Variants in TXNDC5 observed in about 807,000 individuals in gnomAD.
The protein encoded by TXNDC5 is thioredoxin domain containing 5, also known as thioredoxin domain-containing protein 5.
A neutral mutation model predicts 52.6 loss-of-function variants in TXNDC5; 44 were observed. That is an observed-to-expected ratio of 0.84 (90% CI 0.66 to 1.08). TXNDC5 has a LOEUF of 1.08. Among genes scored for constraint, TXNDC5 ranks in the 50% least tolerant of loss-of-function variants. The probability of loss-of-function intolerance (pLI) is 0.00; values close to 1 mark genes in which losing one functional copy is unlikely to be tolerated. For missense variants in TXNDC5, 600 were observed against 565.5 expected, an observed-to-expected ratio of 1.06 and a Z score of -0.62; for synonymous variants, 241 against 234.4, an observed-to-expected ratio of 1.03 and a Z score of -0.26.
At chr6:7,902,598 C>G (rs2113362136) in intron 2 of TXNDC5, among the ~76,000 whole-genome samples, 1 of 152,042 alleles carries the variant, frequency 6.6e-6, no homozygotes, top group Admixed American at 6.6e-5. Flanking sequence ...AGTCAATCTA[C>G]AGATGCCCCA....
chr6:7,890,681 G>A (rs761981105), intron 5 of TXNDC5, among the ~76,000 whole-genome samples: 18 of 152,092 alleles, frequency 1.2e-4, no homozygotes, highest in Non-Finnish European at 2.2e-4. Context: ...TATCGTAAGC[G>A]TTTAAGAGGC....
chr6:7,896,076 C>T (rs1036730990), intron 3 of TXNDC5, among the ~76,000 whole-genome samples: 2 of 152,046 alleles, frequency 1.3e-5, no homozygotes, highest in African/African-American at 4.8e-5. Context: ...GCCTGGTTAT[C>T]CTTACTTTAC....
At position 7,884,354 on chromosome 6, in the gene TXNDC5, C is replaced by G; in HGVS notation, c.1176+5G>C. Reference sequence around the variant, plus strand: ...GCTCCCATAAGCATCCATCCAAGTACCCACCGAATACTTGCTGCAGATATT... The same window carrying G: ...GCTCCCATAAGCATCCATCCAAGTAGCCACCGAATACTTGCTGCAGATATT... On this transcript the variant is annotated splice_donor_5th_base_variant and intron_variant, in intron 9 of 9. Transcript: ENST00000379757. 1 of 1,613,984 alleles carries G rather than the reference C, an allele frequency of 6.2e-7. No homozygotes were observed. Among genetic ancestry groups the G allele is most frequent in the Non-Finnish European group, 8.5e-7 (1 of 1,179,926 alleles).
intron 1 of TXNDC5, among the ~76,000 whole-genome samples, chr6:7,905,648 G>C (rs1315584080): frequency 6.6e-6 from 1 of 152,154 alleles, no homozygotes; most frequent in Non-Finnish European, 1.5e-5. Context: ...TGTGTTCTCT[G>C]GACAGTATGT....
chr6:7,907,307 A>T (rs1760769917), intron 1 of TXNDC5, among the ~76,000 whole-genome samples: 1 of 152,136 alleles, frequency 6.6e-6, no homozygotes, highest in African/African-American at 2.4e-5. Flanking sequence ...TGATGGGGCC[A>T]CAGGTGCTAT....
At position 7,888,739 on chromosome 6, in the gene TXNDC5, G is replaced by GC; in HGVS notation, c.928dup (p.Ala310GlyfsTer7). On this transcript the variant is annotated frameshift_variant, in exon 7 of 10. Coordinates refer to ENST00000379757, the MANE Select transcript of TXNDC5 (RefSeq NM_030810.5). LOFTEE classifies it high-confidence loss of function. ...CTCGGGCTCAGCTGCCAGCACCGGG[G>GC]CCTCTGAGGGCGTGACGGTCTCCGT... 1 of 1,613,602 alleles carries GC rather than the reference G, an allele frequency of 6.2e-7. No homozygotes were observed. The highest frequency in any genetic ancestry group is 1.1e-5 in the South Asian group (1 of 91,022).
chr6:7,910,670 G>T lies in TXNDC5; in HGVS notation c.107C>A (p.Ala36Asp). 8.8e-7 allele frequency: 1 copy of T among 1,131,524 alleles called. No homozygotes were observed. Among genetic ancestry groups the T allele is most frequent in the Non-Finnish European group, 1.1e-6 (1 of 924,030 alleles). The allele number at this position is 1,131,524 out of a possible 1,614,324, so 70.1% of individuals were successfully genotyped here. A position where few individuals can be genotyped will look rare whatever the true frequency, so the allele number is the denominator to read the frequency against. ...CGCCGCCGCCGCCTCCTGGGCCCGGGCGCCCCAGCGCCCGCCGCCGCCATG... is the reference window on the plus strand; with the variant it reads ...CGCCGCCGCCGCCTCCTGGGCCCGGTCGCCCCAGCGCCCGCCGCCGCCATG... ...LGHGGGGRWG[A>D]RAQEAAAAAA... is the part of the protein sequence containing the mutation. Residue 36 changes from alanine to aspartate, a missense_variant, in exon 1 of 10, where the codon GCC becomes GAC. By Grantham distance (126) the Ala-to-Asp change is moderately radical (BLOSUM62 -2). Transcript: ENST00000379757.
chr6:7,888,571 G>A, intron 7 of TXNDC5, 134 bp downstream of exon 7: 1 of 1,170,406 alleles, frequency 8.5e-7, no homozygotes, highest in Non-Finnish European at 1.2e-6. Flanking sequence ...CGCAACTGGA[G>A]CCAACCATCA....
intron 4 of TXNDC5, chr6:7,894,856 T>C (rs1403088313): frequency 1.0e-6 from 1 of 985,426 alleles, no homozygotes; most frequent in African/African-American, 1.7e-5. Context: ...GGATGCACTG[T>C]CCAGCTAGTG....
rs777552387 is a variant in TXNDC5 at position 7,883,019 on chromosome 6, C to G, written c.*125G>C. ...GGAAAACACACACACAAAGAAGATA[C>G]CTCACGCTTAGTATGTTCTGCTTTC... On this transcript the variant is annotated 3_prime_UTR_variant, in exon 10 of 10. Transcript: ENST00000379757. The G allele has an allele frequency of 2.0e-5, 26 of 1,288,826 alleles. No homozygotes were observed. The highest frequency in any genetic ancestry group is 2.5e-5 in the Non-Finnish European group (23 of 926,824). The allele number at this position is 1,288,826 out of a possible 1,614,324, so 79.8% of individuals were successfully genotyped here.
intron 2 of TXNDC5, among the ~76,000 whole-genome samples, chr6:7,903,463 A>G (rs1198304438): frequency 6.6e-6 from 1 of 152,210 alleles, no homozygotes; most frequent in African/African-American, 2.4e-5. Flanking sequence ...GTGTCTGCAC[A>G]CATTCCATGT....
At chr6:7,900,954 C>CA (rs35535516) in intron 2 of TXNDC5, among the ~76,000 whole-genome samples, 47,227 of 150,622 alleles carry the variant, frequency 0.31, 7,982 homozygotes, top group East Asian at 0.64. Flanking sequence ...ACATTCAGTC[C>CA]AAAAAAAAAT....
rs2113304558 is a variant in TXNDC5, at chr6:7,881,895, AGCTCG to A, written c.*1244_*1248del. The A allele has an allele frequency of 6.7e-6, 1 of 149,908 alleles. No homozygotes were observed. Among genetic ancestry groups the A allele is most frequent in the South Asian group, 2.1e-4 (1 of 4,804 alleles). The allele number at this position is 149,908 out of a possible 1,614,324, so 9.3% of individuals were successfully genotyped here. A position where few individuals can be genotyped will look rare whatever the true frequency, so the allele number is the denominator to read the frequency against. Reference sequence around the variant, plus strand: ...ATGCAAAGTGGTTATTATGGGAAGTAGCTCGATGGTAAAAGGACAAACACCTATCT... The same window carrying A: ...ATGCAAAGTGGTTATTATGGGAAGTAATGGTAAAAGGACAAACACCTATCT... On this transcript the variant is annotated 3_prime_UTR_variant, in exon 10 of 10. Coordinates refer to ENST00000379757, the MANE Select transcript of TXNDC5 (RefSeq NM_030810.5).
intron 6 of TXNDC5, 158 bp from the exon 7 acceptor site, chr6:7,889,006 G>C: frequency 1.1e-6 from 1 of 939,638 alleles, no homozygotes; most frequent in Non-Finnish European, 1.5e-6. Context: ...ATGTAGAGAG[G>C]ATAACTGAAT....
chr6:7,883,983 G>A (rs1459690613), intron 9 of TXNDC5, among the ~76,000 whole-genome samples: 1 of 152,082 alleles, frequency 6.6e-6, no homozygotes, highest in Admixed American at 6.5e-5. Context: ...TATAATGCTG[G>A]CTTATGTGTG....
chr6:7,889,039 T>C, intron 6 of TXNDC5, 191 bp from the exon 7 acceptor site: 1 of 645,602 alleles, frequency 1.5e-6, no homozygotes, highest in East Asian at 3.1e-5. Flanking sequence ...GTGAGAGAAC[T>C]GTACAGGCCC....
At chr6:7,888,322 G>C (rs1356298178) in intron 7 of TXNDC5, among the ~76,000 whole-genome samples, 1 of 152,138 alleles carries the variant, frequency 6.6e-6, no homozygotes, top group African/African-American at 2.4e-5. Flanking sequence ...CCCGGAGCAA[G>C]GTCAGGAATA....
chr6:7,895,318 C>T, intron 3 of TXNDC5, 116 bp from the exon 4 acceptor site: 1 of 860,158 alleles, frequency 1.2e-6, no homozygotes, highest in South Asian at 1.7e-5. Flanking sequence ...ACCCAACAAC[C>T]TGGAACCCTT....
intron 3 of TXNDC5, among the ~76,000 whole-genome samples, chr6:7,897,782 G>C (rs992051289): frequency 2.0e-5 from 3 of 152,310 alleles, no homozygotes; most frequent in Admixed American, 6.5e-5. Flanking sequence ...CATCATAGAA[G>C]ACTGGCTTTT....
Sources: allele counts gnomAD v4.1 joint callset (sites outside exome capture counted in the v4.1 genomes callset), GRCh38; gene constraint gnomAD v4.1.1; transcripts MANE v1.5; gene names NCBI Gene and HGNC (gene_info 2026-07-23, HGNC 2026-07-21).